SF3A2: variants seen among roughly 807,000 people sequenced by gnomAD.
SF3A2 encodes the protein splicing factor 3a subunit 2.
In SF3A2, 5 loss-of-function variants were observed where a neutral mutation model predicts 31.1. That is an observed-to-expected ratio of 0.16 (90% confidence interval 0.08 to 0.34). The LOEUF (loss-of-function observed/expected upper bound fraction) is 0.34, where lower values mean the gene tolerates loss of function less well. Among genes scored for constraint, SF3A2 ranks in the 10% least tolerant of loss-of-function variants. The probability of loss-of-function intolerance (pLI) is 1.00; values close to 1 mark genes in which losing one functional copy is unlikely to be tolerated. For synonymous variants in SF3A2, 365 were observed against 263.7 expected (o/e 1.38, Z -3.72); for missense variants, 577 against 643.9 (o/e 0.90, Z 1.13).
rs2024826226 is a variant in SF3A2, at chr19:2,236,888, G to C, written c.-51G>C. ...TGGCGAAACGAGGAGGAGATAACGC[G>C]GCCTTGGGCTCTGGTGAGGAGTAGA... On this transcript the variant is annotated 5_prime_UTR_variant, in exon 1 of 9. Transcript: ENST00000221494. The C allele has an allele frequency of 6.6e-6, 1 of 152,196 alleles. No homozygotes were observed. Among genetic ancestry groups the C allele is most frequent in the African/African-American group, 2.4e-5 (1 of 41,412 alleles). 9.4% of individuals were successfully genotyped at this position (152,196 alleles called of 1,614,324 possible).
At position 2,245,297 on chromosome 19, in the gene SF3A2, C is replaced by CTTTG. The variant is rs1244629665; in HGVS notation, c.246-149_246-148insTTTG. On this transcript the variant is annotated intron_variant, in intron 4 of 8. Transcript: ENST00000221494. This position sits in a 1 kb window ranked among gnomAD's most constrained non-coding sequence, Gnocchi z 4.2. ...TGCCTGTCCTATCCCTGTCCTCAGC[C>CTTTG]AAACCCCAGGGCCCCTCCCAGGCCC... The CTTTG allele has an allele frequency of 1.3e-5, 8 of 617,066 alleles. No individual in the cohort carries two copies. The East Asian group carries it at 2.2e-4, about 17-fold the overall frequency. 38.2% of individuals were successfully genotyped at this position (617,066 alleles called of 1,614,324 possible).
intron 1 of SF3A2, chr19:2,237,614 TG>T (rs1331973929): frequency 6.6e-6 from 1 of 152,122 alleles, no homozygotes; most frequent in Admixed American, 6.5e-5. Context: ...CAAGATTCGT[TG>T]GGGTCGAATC....
Position 2,247,805 on chromosome 19 carries a change from G to A in SF3A2, c.654G>A (p.Pro218=), listed in dbSNP as rs777309822. The change falls in exon 9 of 9, where the codon CCG becomes CCA. Residue 218 remains proline (P), a synonymous_variant. Coordinates refer to ENST00000221494, the MANE Select transcript of SF3A2 (RefSeq NM_007165.5). ...TCCACTTTAAGATGGAGAAGCCCCC[G>A]GCTCCACCCAGCCTCCCTGCTGGCC... is the stretch of plus-strand genomic sequence containing the variant. ...LQFHFKMEKP[P]APPSLPAGPP... is the part of the protein sequence containing the mutation. 3.3e-5 allele frequency: 53 copies of A among 1,609,730 alleles called. No individual in the cohort carries two copies. The highest frequency in any genetic ancestry group is 4.5e-5 in the East Asian group (2 of 44,860).
chr19:2,245,347 G>A lies in SF3A2; in HGVS notation c.246-99G>A. 2.4e-6 allele frequency: 2 copies of A among 846,022 alleles called. No homozygotes were observed. Among genetic ancestry groups the A allele is most frequent in the Non-Finnish European group, 3.8e-6 (2 of 529,558 alleles). 52.4% of individuals were successfully genotyped at this position (846,022 alleles called of 1,614,324 possible). A position where few individuals can be genotyped will look rare whatever the true frequency, so the allele number is the denominator to read the frequency against. On this transcript the variant is annotated intron_variant, in intron 4 of 8. Transcript: ENST00000221494. The surrounding 1 kb of genome is among the most constrained non-coding windows in gnomAD (Gnocchi z 4.2). Reference sequence around the variant, plus strand: ...CCTGGCCCTCCTCATCTCTCAGCTTGTAGTGAGCTCCAAGGTCAGGGGGCT... The same window carrying A: ...CCTGGCCCTCCTCATCTCTCAGCTTATAGTGAGCTCCAAGGTCAGGGGGCT...
At chr19:2,244,039 G>T (rs2024911652) in intron 2 of SF3A2, among the ~76,000 whole-genome samples, 1 of 152,236 alleles carries the variant, frequency 6.6e-6, no homozygotes, top group African/African-American at 2.4e-5. Flanking sequence ...GCCGCAGATG[G>T]TGGAGTTAGA....
At position 2,246,033 on chromosome 19, in the gene SF3A2, G is replaced by A. The variant is rs2024929258; in HGVS notation, c.355+478G>A. Among the ~76,000 whole-genome samples the A allele has an allele frequency of 6.6e-6, 1 of 152,218 alleles. No individual in the cohort carries two copies. The highest frequency in any genetic ancestry group is 2.4e-5 in the African/African-American group (1 of 41,452). ...ACCAGGGTGGAAGATAGAGACTTGT[G>A]TCCATAGGGTTCAGGAAGGCGGGCA... On this transcript the variant is annotated intron_variant, in intron 5 of 8. Coordinates refer to ENST00000221494, the MANE Select transcript of SF3A2 (RefSeq NM_007165.5). The surrounding 1 kb of genome is among the most constrained non-coding windows in gnomAD (Gnocchi z 5.5).
Position 2,247,830 on chromosome 19 carries a change from C to A in SF3A2, c.679C>A (p.Pro227Thr), listed in dbSNP as rs771952528. 6.3e-7 allele frequency: 1 copy of A among 1,596,302 alleles called. No individual in the cohort carries two copies. The highest frequency in any genetic ancestry group is 1.1e-5 in the South Asian group (1 of 90,806). Residue 227 changes from proline to threonine, a missense_variant, in exon 9 of 9, where the codon CCC (proline) becomes ACC (threonine). Around this residue, in one of 6 missense-constraint regions of SF3A2, gnomAD observed 462 missense variants for 339.1 expected, o/e 1.36. Coordinates refer to ENST00000221494, the MANE Select transcript of SF3A2 (RefSeq NM_007165.5). ...PPAPPSLPAG[P>T]PGVKRPPPPL... ...GGCTCCACCCAGCCTCCCTGCTGGC[C>A]CCCCTGGGGTGAAGCGGCCTCCACC... is the stretch of plus-strand genomic sequence containing the variant.
Position 2,245,850 on chromosome 19 carries a change from T to A in SF3A2, c.355+295T>A, listed in dbSNP as rs2024926983. 2 of 444,832 alleles carry A rather than the reference T, an allele frequency of 4.5e-6. No homozygotes were observed. The highest frequency in any genetic ancestry group is 4.0e-5 in the African/African-American group (2 of 49,694). 27.6% of individuals were successfully genotyped at this position (444,832 alleles called of 1,614,324 possible). A position where few individuals can be genotyped will look rare whatever the true frequency, so the allele number is the denominator to read the frequency against. Reference sequence around the variant, plus strand: ...TGGGAATTCTTGCCAAGCAAAAGAGTGGAAGTGGAGGTGTGGTGAGCCCTG... The same window carrying A: ...TGGGAATTCTTGCCAAGCAAAAGAGAGGAAGTGGAGGTGTGGTGAGCCCTG... On this transcript the variant is annotated intron_variant, in intron 5 of 8. Transcript: ENST00000221494. This position sits in a 1 kb window ranked among gnomAD's most constrained non-coding sequence, Gnocchi z 4.2.
chr19:2,240,376 G>A (rs538683211), intron 1 of SF3A2, among the ~76,000 whole-genome samples: 4 of 152,358 alleles, frequency 2.6e-5, no homozygotes, highest in African/African-American at 7.2e-5. Flanking sequence ...TGGGAATAAA[G>A]TTCTGATCTC....
In SF3A2 at chr19:2,246,240, C is replaced by T. The variant is rs1372143515; in HGVS notation, c.356-513C>T. The stretch of plus-strand genomic sequence containing the variant: ...TGGGCTTGGGCTCAGGACGGTGAGG[C>T]GGCAGAGGGCTTGTGAGTGTGCGTG... On this transcript the variant is annotated intron_variant, in intron 5 of 8. Transcript: ENST00000221494. The surrounding 1 kb of genome is among the most constrained non-coding windows in gnomAD (Gnocchi z 5.5). 1.3e-5 allele frequency among the ~76,000 whole-genome samples: 2 copies of T among 151,634 alleles called. No homozygotes were observed. The highest frequency in any genetic ancestry group is 1.5e-5 in the Non-Finnish European group (1 of 67,862).
chr19:2,243,293 G>C lies in SF3A2; in HGVS notation c.-37-89G>C, dbSNP rs552901562. The stretch of plus-strand genomic sequence containing the variant: ...GGAGTGCAGGGTGAGGGGCAGTCTC[G>C]AGGGCTCCAGCCCAGCCCGCCCAGG... On this transcript the variant is annotated intron_variant, in intron 1 of 8. Transcript: ENST00000221494. 3.0e-5 allele frequency: 34 copies of C among 1,130,990 alleles called. No homozygotes were observed. The African/African-American group carries it at 3.8e-4, about 13-fold the overall frequency. 70.1% of individuals were successfully genotyped at this position (1,130,990 alleles called of 1,614,324 possible).
chr19:2,245,157 CTGGG>C lies in SF3A2; in HGVS notation c.246-288_246-285del, dbSNP rs2024921095. 2.0e-6 allele frequency: 1 copy of C among 495,356 alleles called. No individual in the cohort carries two copies. 30.7% of individuals were successfully genotyped at this position (495,356 alleles called of 1,614,324 possible). On this transcript the variant is annotated intron_variant, in intron 4 of 8. Transcript: ENST00000221494. This position sits in a 1 kb window ranked among gnomAD's most constrained non-coding sequence, Gnocchi z 4.2. ...CAAGGTGCTGCCACTGTACTCCATC[CTGGG>C]CGACAGAGTGAGACTCTTGTCTTAT... is the stretch of plus-strand genomic sequence containing the variant.
chr19:2,243,541 C>T lies in SF3A2; in HGVS notation c.123C>T (p.Asn41=), dbSNP rs756475151. Residue 41 remains asparagine, a synonymous_variant, in exon 2 of 9, where the codon AAC becomes AAT. Coordinates refer to ENST00000221494, the MANE Select transcript of SF3A2 (RefSeq NM_007165.5). ...RQLALETIDI[N]KDPYFMKNHL... ...TGGCCCTGGAGACCATCGACATCAA[C>T]AAGGTGGGCCAGCCACCGTGCAGCT... 4 of 1,544,536 alleles carry T rather than the reference C, an allele frequency of 2.6e-6. No individual in the cohort carries two copies. In the South Asian group the frequency reaches 4.9e-5, roughly 19 times the overall value.
Position 2,248,528 on chromosome 19 carries a change from C to T in SF3A2, c.1377C>T (p.Pro459=). 8.8e-7 allele frequency: 1 copy of T among 1,139,938 alleles called. No homozygotes were observed. The highest frequency in any genetic ancestry group is 1.1e-6 in the Non-Finnish European group (1 of 869,594). The allele number at this position is 1,139,938 out of a possible 1,614,324, so 70.6% of individuals were successfully genotyped here. Reference sequence around the variant, plus strand: ...CCGAAGGCCCAGGGAACATACCTCCCCCTCCCCCAACCAACTGAGAAGCTG... The same window carrying T: ...CCGAAGGCCCAGGGAACATACCTCCTCCTCCCCCAACCAACTGAGAAGCTG... ...LPSEGPGNIP[P]PPPTN The change falls in exon 9 of 9, where the codon CCC becomes CCT. Residue 459 remains proline, a synonymous_variant. Transcript: ENST00000221494.
chr19:2,242,400 C>G (rs1197355154), intron 1 of SF3A2, among the ~76,000 whole-genome samples: 1 of 152,180 alleles, frequency 6.6e-6, no homozygotes, highest in Non-Finnish European at 1.5e-5. Flanking sequence ...TGCCTTGCCT[C>G]GGGGCCCCTT....
Position 2,245,463 on chromosome 19 carries a change from A to G in SF3A2, c.263A>G (p.Lys88Arg), listed in dbSNP as rs1322524882. ...GTCCGCAGGGCCCGGCGAGCAGCCA[A>G]GGAGGCCAAGGAGGCCCCTGCCCAG... The part of the protein sequence containing the change: ...HQTNLARRAA[K>R]EAKEAPAQPA... Residue 88 changes from lysine (K) to arginine (R), a missense_variant, in exon 5 of 9, where the codon AAG (lysine) becomes AGG (arginine). By Grantham distance (26) the Lys-to-Arg change is conservative (BLOSUM62 2). Transcript: ENST00000221494. This position sits in a 1 kb window ranked among gnomAD's most constrained non-coding sequence, Gnocchi z 4.2. 6.4e-7 allele frequency: 1 copy of G among 1,550,588 alleles called. No homozygotes were observed. The highest frequency in any genetic ancestry group is 8.7e-7 in the Non-Finnish European group (1 of 1,146,790).
At chr19:2,247,284 C>T in intron 7 of SF3A2, 2 of 545,236 alleles carry the variant, frequency 3.7e-6, no homozygotes, top group South Asian at 2.5e-5. Flanking sequence ...TGCCAAGTGA[C>T]CTCACTTCCT....
chr19:2,245,357 C>T lies in SF3A2; in HGVS notation c.246-89C>T, dbSNP rs922319425. 3.0e-5 allele frequency: 29 copies of T among 971,874 alleles called. No homozygotes were observed. The highest frequency in any genetic ancestry group is 4.2e-5 in the Non-Finnish European group (27 of 637,628). 60.2% of individuals were successfully genotyped at this position (971,874 alleles called of 1,614,324 possible). On this transcript the variant is annotated intron_variant, in intron 4 of 8. Coordinates refer to ENST00000221494, the MANE Select transcript of SF3A2 (RefSeq NM_007165.5). This position sits in a 1 kb window ranked among gnomAD's most constrained non-coding sequence, Gnocchi z 4.2. ...CTCATCTCTCAGCTTGTAGTGAGCT[C>T]CAAGGTCAGGGGGCTCCTGGCACCT...
At chr19:2,241,512 G>A (rs908804920) in intron 1 of SF3A2, among the ~76,000 whole-genome samples, 6 of 152,156 alleles carry the variant, frequency 3.9e-5, no homozygotes, top group African/African-American at 1.4e-4. Flanking sequence ...GAACCTGTCC[G>A]GGCGGCACCC....
Sources: gnomAD v4.1 joint callset for allele counts (sites outside exome capture counted in the v4.1 genomes callset) on GRCh38, gnomAD v4.1.1 for gene constraint, gnomAD v4.1.1 regional missense constraint, Gnocchi (gnomAD v3.1) non-coding constraint, MANE v1.5 for transcripts, NCBI Gene and HGNC (gene_info 2026-07-23, HGNC 2026-07-21) for gene names.